The following HMGCL variants were observed in gnomAD, a reference collection of about 807,000 sequenced individuals.
The protein encoded by HMGCL is hydroxymethylglutaryl-CoA lyase, mitochondrial.
A neutral mutation model predicts 37.3 loss-of-function variants in HMGCL; 26 were observed. The observed-to-expected ratio is 0.70, with a 90% confidence interval of 0.51 to 0.97. The LOEUF (loss-of-function observed/expected upper bound fraction) is 0.97, where lower values mean the gene tolerates loss of function less well. HMGCL is among the 50% of genes least tolerant of loss of function. The pLI is 0.00. For missense variants in HMGCL, 379 were observed against 398.1 expected, an observed-to-expected ratio of 0.95 and a Z score of 0.41; for synonymous variants, 151 against 148.0, an observed-to-expected ratio of 1.02 and a Z score of -0.15.
intron 8 of HMGCL, among the ~76,000 whole-genome samples, chr1:23,803,392 G>C (rs1638329657): frequency 6.6e-6 from 1 of 152,220 alleles, no homozygotes; most frequent in African/African-American, 2.4e-5. Context: ...AGTAGAGATG[G>C]GGTTTCACCA....
chr1:23,819,006 T>TAAAAAAAAAAAAA, intron 2 of HMGCL, among the ~76,000 whole-genome samples: 1 of 43,120 alleles, frequency 2.3e-5, no homozygotes, highest in Admixed American at 3.9e-4. Context: ...ATGGACGTGC[T>TAAAAAAAAAAAAA]AAAAAAAAAA....
At chr1:23,813,322 C>T (rs1239747907) in intron 5 of HMGCL, among the ~76,000 whole-genome samples, 2 of 148,652 alleles carry the variant, frequency 1.3e-5, no homozygotes, top group Admixed American at 6.8e-5. Flanking sequence ...ACAACCTCCG[C>T]CTCCCAGATT....
chr1:23,821,796 G>C (rs2148426520), intron 1 of HMGCL, among the ~76,000 whole-genome samples: 1 of 152,188 alleles, frequency 6.6e-6, no homozygotes, highest in Non-Finnish European at 1.5e-5. Context: ...CCACCCAACA[G>C]GTTGCTAAGC....
chr1:23,804,183 T>C, intron 8 of HMGCL: 1 of 634,486 alleles, frequency 1.6e-6, no homozygotes, highest in Non-Finnish European at 2.8e-6. Flanking sequence ...GGATCATAGC[T>C]CACTGCAGCC....
chr1:23,813,591 T>G (rs1638561879), intron 5 of HMGCL, among the ~76,000 whole-genome samples: 1 of 152,072 alleles, frequency 6.6e-6, no homozygotes, highest in Non-Finnish European at 1.5e-5. Context: ...TGCACAGCAG[T>G]GTGACCTTAC....
At position 23,816,723 on chromosome 1, in the gene HMGCL, G is replaced by A; in HGVS notation, c.300C>T (p.Gly100=). The A allele has an allele frequency of 2.5e-6, 4 of 1,613,764 alleles. No individual in the cohort carries two copies. The highest frequency in any genetic ancestry group is 3.4e-6 in the Non-Finnish European group (4 of 1,179,650). ...EVLKGIQKFP[G]INYPVLTPNL... The stretch of plus-strand genomic sequence containing the variant: ...TTGGGGTCAGGACTGGGTAGTTGAT[G>A]CCAGGAAACTTCTGAATGCCCTTCA... The change falls in exon 4 of 9, where the codon GGC becomes GGT. Residue 100 remains glycine (G), a synonymous_variant. Transcript: ENST00000374490.
chr1:23,804,300 G>T, intron 8 of HMGCL, 100 bp downstream of exon 8: 2 of 1,443,316 alleles, frequency 1.4e-6, no homozygotes, highest in Non-Finnish European at 1.9e-6. Context: ...TTACTCCTCA[G>T]CACCTTAACA....
chr1:23,818,224 T>A (rs1334781757), intron 2 of HMGCL, among the ~76,000 whole-genome samples: 1 of 152,154 alleles, frequency 6.6e-6, no homozygotes, highest in Non-Finnish European at 1.5e-5. Context: ...TTTGGGAGGC[T>A]GAGACAGGCA....
intron 3 of HMGCL, 119 bp from the exon 4 acceptor site, chr1:23,816,889 C>T: frequency 1.3e-6 from 1 of 746,094 alleles, no homozygotes; most frequent in South Asian, 1.4e-5. Context: ...GTAATTCCTT[C>T]TGCAGAGCTG....
intron 1 of HMGCL, among the ~76,000 whole-genome samples, chr1:23,822,699 G>GCAACTTGAATCTCCCTC: frequency 6.6e-6 from 1 of 152,272 alleles, no homozygotes; most frequent in Non-Finnish European, 1.5e-5. Context: ...GAAGGTCCCT[G>GCAACTTGAATCTCCCTC]CAACTTGAAT....
chr1:23,804,499 A>C lies in HMGCL; in HGVS notation c.777T>G (p.Ser259=). 6.2e-7 allele frequency: 1 copy of C among 1,614,158 alleles called. No homozygotes were observed. The highest frequency in any genetic ancestry group is 8.5e-7 in the Non-Finnish European group (1 of 1,180,012). The change falls in exon 8 of 9, where the codon TCT becomes TCG. Residue 259 remains serine, a synonymous_variant. Coordinates refer to ENST00000374490, the MANE Select transcript of HMGCL (RefSeq NM_000191.3). The stretch of plus-strand genomic sequence containing the variant: ...AGGGACAGCCTCCAAGTCCTGCCAC[A>C]GAAGAGTCCACGACACTCACTCCCA... ...LQMGVSVVDS[S]VAGLGGCPYA...
At chr1:23,813,316 C>A (rs780139389) in intron 5 of HMGCL, among the ~76,000 whole-genome samples, 26 of 142,172 alleles carry the variant, frequency 1.8e-4, no homozygotes, top group Non-Finnish European at 3.5e-4. Context: ...CTCACCACAA[C>A]CTCCGCCTCC....
chr1:23,817,063 G>A (rs375323310), intron 3 of HMGCL, among the ~76,000 whole-genome samples: 69 of 152,302 alleles, frequency 4.5e-4, no homozygotes, highest in African/African-American at 1.5e-3. Context: ...TGTACTCTGG[G>A]CCAGGCACTG....
intron 8 of HMGCL, among the ~76,000 whole-genome samples, chr1:23,802,969 C>T (rs1638312914): frequency 6.6e-6 from 1 of 152,208 alleles, no homozygotes; most frequent in South Asian, 2.1e-4. Flanking sequence ...TCTGTTCATA[C>T]AGTAGCTCAT....
At chr1:23,804,334 T>G in intron 8 of HMGCL, 66 bp downstream of exon 8, 1 of 1,605,288 alleles carries the variant, frequency 6.2e-7, no homozygotes, top group Non-Finnish European at 8.5e-7. Context: ...CCATCCACTT[T>G]TGTTCTCAGC....
At position 23,802,547 on chromosome 1, in the gene HMGCL, C is replaced by T. The variant is rs761934596; in HGVS notation, c.894G>A (p.Lys298=). The T allele has an allele frequency of 6.2e-7, 1 of 1,613,514 alleles. No individual in the cohort carries two copies. Among genetic ancestry groups the T allele is most frequent in the East Asian group, 2.2e-5 (1 of 44,888 alleles). ...LGIHTGVNLQ[K]LLEAGNFICQ... is the part of the protein sequence containing the mutation. ...AGATAAAGTTTCCAGCTTCCAGAAG[C>T]TTCTGGAGATTCACACCCTTTGAGA... is the stretch of plus-strand genomic sequence containing the variant. The change falls in exon 9 of 9, where the codon AAG becomes AAA. Residue 298 remains lysine (K), a synonymous_variant. Coordinates refer to ENST00000374490, the MANE Select transcript of HMGCL (RefSeq NM_000191.3).
In HMGCL at chr1:23,802,297, C is replaced by T. The variant is rs935425603; in HGVS notation, c.*166G>A. 4.6e-6 allele frequency: 3 copies of T among 654,090 alleles called. No individual in the cohort carries two copies. Among genetic ancestry groups the T allele is most frequent in the Non-Finnish European group, 5.5e-6 (2 of 361,716 alleles). 40.5% of individuals were successfully genotyped at this position (654,090 alleles called of 1,614,324 possible). A position where few individuals can be genotyped will look rare whatever the true frequency, so the allele number is the denominator to read the frequency against. ...CAGGAGGTCCTTCTGCCAAGCAGCT[C>T]CTCCTGCCCTTCGCCTGCTTTCTGC... On this transcript the variant is annotated 3_prime_UTR_variant, in exon 9 of 9. Coordinates refer to ENST00000374490, the MANE Select transcript of HMGCL (RefSeq NM_000191.3).
chr1:23,811,239 C>A (rs1638514933), intron 5 of HMGCL, among the ~76,000 whole-genome samples: 1 of 152,166 alleles, frequency 6.6e-6, no homozygotes, highest in Non-Finnish European at 1.5e-5. Context: ...ACAGGCTGGG[C>A]TGGCCTGAGG....
At chr1:23,804,696 T>A (rs1345670813) in intron 7 of HMGCL, among the ~76,000 whole-genome samples, 171 bp from the exon 8 acceptor site, 1 of 152,222 alleles carries the variant, frequency 6.6e-6, no homozygotes, top group Non-Finnish European at 1.5e-5. Flanking sequence ...GTGCTTCTCC[T>A]TTTAGTTTCT....
Sources: allele counts gnomAD v4.1 joint callset (sites outside exome capture counted in the v4.1 genomes callset), GRCh38; gene constraint gnomAD v4.1.1; transcripts MANE v1.5; gene names NCBI Gene and HGNC (gene_info 2026-07-23, HGNC 2026-07-21).